RAB2A: variants seen among roughly 807,000 people sequenced by gnomAD.
RAB2A encodes the protein ras-related protein Rab-2A.
Under a neutral mutation model 32.5 loss-of-function variants are expected in RAB2A, and 7 were observed. The observed-to-expected ratio is 0.22, with a 90% CI of 0.12 to 0.40. The LOEUF (loss-of-function observed/expected upper bound fraction) is 0.40, where lower values mean the gene tolerates loss of function less well. RAB2A is among the 10% of genes least tolerant of loss of function. The pLI is 1.00. For synonymous variants in RAB2A, 79 were observed against 85.2 expected (o/e 0.93, Z 0.40); for missense variants, 108 against 260.7 (o/e 0.41, Z 4.03).
At chr8:60,530,493 T>G (rs1384728001) in intron 1 of RAB2A, among the ~76,000 whole-genome samples, 4 of 152,136 alleles carry the variant, frequency 2.6e-5, no homozygotes, top group Non-Finnish European at 5.9e-5. Context: ...TCTTGCCATG[T>G]TTCCCAGGCT....
intron 1 of RAB2A, among the ~76,000 whole-genome samples, chr8:60,518,625 C>CAAAAT (rs1807252034): frequency 7.1e-5 from 7 of 99,178 alleles, no homozygotes; most frequent in African/African-American, 2.8e-4. Flanking sequence ...AAAAAAAAAG[C>CAAAAT]ATATTTATTG....
chr8:60,556,421 C>T (rs1372463171), intron 1 of RAB2A, among the ~76,000 whole-genome samples: 1 of 151,942 alleles, frequency 6.6e-6, no homozygotes, highest in Non-Finnish European at 1.5e-5. Flanking sequence ...GCTGATTACC[C>T]TGATTGATTT....
intron 1 of RAB2A, among the ~76,000 whole-genome samples, chr8:60,519,484 C>T (rs1333574510): frequency 6.6e-6 from 1 of 152,140 alleles, no homozygotes; most frequent in Non-Finnish European, 1.5e-5. Context: ...CTGAGTTTTC[C>T]GTAATGCCTT....
intron 1 of RAB2A, among the ~76,000 whole-genome samples, chr8:60,547,611 G>T (rs2130821923): frequency 8.0e-6 from 1 of 125,030 alleles, no homozygotes; most frequent in Non-Finnish European, 1.8e-5. Flanking sequence ...CCGGGCAGAG[G>T]CGCCCCTCAC....
chr8:60,559,723 A>G (rs904019672), intron 2 of RAB2A, among the ~76,000 whole-genome samples: 1 of 152,248 alleles, frequency 6.6e-6, no homozygotes, highest in Admixed American at 6.5e-5. Context: ...AAATTAGTCA[A>G]ATATGAAGAC....
At chr8:60,576,333 C>T (rs1299510894) in intron 3 of RAB2A, 1 of 454,674 alleles carries the variant, frequency 2.2e-6, no homozygotes, top group Non-Finnish European at 4.4e-6. Context: ...CCAGCCATTA[C>T]TGCCTTGTTC....
chr8:60,602,792 G>T (rs1251466901), intron 6 of RAB2A, among the ~76,000 whole-genome samples: 2 of 152,248 alleles, frequency 1.3e-5, no homozygotes, highest in Non-Finnish European at 2.9e-5. Flanking sequence ...TTATGGGGAA[G>T]TTTGTTCTAA....
At chr8:60,552,878 TA>T (rs1325727994) in intron 1 of RAB2A, 1 of 152,214 alleles carries the variant, frequency 6.6e-6, no homozygotes, top group Non-Finnish European at 1.5e-5. Flanking sequence ...GCTTGCTTTG[TA>T]CCTGCTGTGT....
At position 60,516,987 on chromosome 8, in the gene RAB2A, ATTG is replaced by A. The variant is rs1343072533; in HGVS notation, c.-218_-216del. The A allele has an allele frequency of 4.7e-6, 2 of 425,936 alleles. No individual in the cohort carries two copies. Among genetic ancestry groups the A allele is most frequent in the Non-Finnish European group, 4.2e-6 (1 of 238,358 alleles). The allele number at this position is 425,936 out of a possible 1,614,324, so 26.4% of individuals were successfully genotyped here. ...GGGCGGAGGCGCCGCGGCGGCTGTT[ATTG>A]TTCGGCTGGGCTCGGTCGGGCGCTG... is the stretch of plus-strand genomic sequence containing the variant. On this transcript the variant is annotated 5_prime_UTR_variant, in exon 1 of 8. Coordinates refer to ENST00000262646, the MANE Select transcript of RAB2A (RefSeq NM_002865.3).
chr8:60,558,513 C>T, intron 1 of RAB2A: 1 of 496,232 alleles, frequency 2.0e-6, no homozygotes, highest in South Asian at 1.5e-5. Flanking sequence ...AATATTTTCA[C>T]TGTAACACAA....
Position 60,591,983 on chromosome 8 carries a change from C to T in RAB2A, c.474+14C>T. The T allele has an allele frequency of 6.9e-7, 1 of 1,451,714 alleles. No individual in the cohort carries two copies. The highest frequency in any genetic ancestry group is 9.5e-7 in the Non-Finnish European group (1 of 1,051,764). 89.9% of individuals were successfully genotyped at this position (1,451,714 alleles called of 1,614,324 possible). On this transcript the variant is annotated intron_variant, in intron 6 of 7. Transcript: ENST00000262646. ...AATGTAGAAGAGGTAAATAAGAGGCCCTTTAAAATCTTCATCTTTATACTT... is the reference window on the plus strand; with the variant it reads ...AATGTAGAAGAGGTAAATAAGAGGCTCTTTAAAATCTTCATCTTTATACTT...
In RAB2A at chr8:60,517,062, C is replaced by G; in HGVS notation, c.-146C>G. On this transcript the variant is annotated 5_prime_UTR_variant, in exon 1 of 8. Transcript: ENST00000262646. ...TCAGTTCGTCCGGCTTCCTCACAGC[C>G]CCTCACTCCCGGCGGCTGACAGCAG... The G allele has an allele frequency of 1.4e-6, 1 of 739,782 alleles. No homozygotes were observed. The highest frequency in any genetic ancestry group is 2.0e-6 in the Non-Finnish European group (1 of 490,310). 45.8% of individuals were successfully genotyped at this position (739,782 alleles called of 1,614,324 possible). A position where few individuals can be genotyped will look rare whatever the true frequency, so the allele number is the denominator to read the frequency against.
At chr8:60,584,158 T>C (rs909687107) in intron 3 of RAB2A, 50 bp from the exon 4 acceptor site, 1 of 1,367,696 alleles carries the variant, frequency 7.3e-7, no homozygotes, top group Admixed American at 1.7e-5. Flanking sequence ...TATGAAAATG[T>C]AGAGGACATT....
intron 1 of RAB2A, among the ~76,000 whole-genome samples, chr8:60,543,302 A>G (rs7839474): frequency 0.53 from 79,548 of 150,216 alleles, 23,834 homozygotes; most frequent in African/African-American, 0.83. Flanking sequence ...ATCCTGCCTT[A>G]CCTCTTCCAG....
chr8:60,575,037 T>TGTTTCTTGAGTCTTTGTCTTA (rs1808250034), intron 3 of RAB2A, among the ~76,000 whole-genome samples: 1 of 151,836 alleles, frequency 6.6e-6, no homozygotes, highest in Non-Finnish European at 1.5e-5. Flanking sequence ...TTTTGGAGGT[T>TGTTTCTTGAGTCTTTGTCTTA]GTTTCTTGAG....
intron 2 of RAB2A, among the ~76,000 whole-genome samples, chr8:60,567,119 CT>C (rs759099870): frequency 2.0e-3 from 278 of 139,236 alleles, no homozygotes; most frequent in Non-Finnish European, 1.9e-3. Context: ...TTCTTTTTTT[CT>C]TTTTTTTTTT....
chr8:60,594,564 T>C (rs1277326809), intron 6 of RAB2A, among the ~76,000 whole-genome samples: 1 of 152,156 alleles, frequency 6.6e-6, no homozygotes, highest in African/African-American at 2.4e-5. Flanking sequence ...ATATGTGCCA[T>C]GTTGGTTTGC....
chr8:60,534,915 C>CT lies in RAB2A; in HGVS notation c.46+17673dup, dbSNP rs1005108146. ...TAATAAGCCTCATTCACCATTTAAC[C>CT]TTTTTTTTTTTCTTGCTTGGCCTTT... On this transcript the variant is annotated intron_variant, in intron 1 of 7. Transcript: ENST00000262646. Among the ~76,000 whole-genome samples the CT allele has an allele frequency of 2.1e-3, 318 of 149,906 alleles. 1 individual carries two copies. Among genetic ancestry groups the CT allele is most frequent in the African/African-American group, 7.0e-3 (285 of 40,964 alleles).
At chr8:60,549,387 C>G (rs1306807237) in intron 1 of RAB2A, among the ~76,000 whole-genome samples, 4 of 152,190 alleles carry the variant, frequency 2.6e-5, no homozygotes, top group Non-Finnish European at 5.9e-5. Flanking sequence ...TCTGCAATCC[C>G]AGCACCTCGG....
Sources: gnomAD v4.1 joint callset for allele counts (sites outside exome capture counted in the v4.1 genomes callset) on GRCh38, gnomAD v4.1.1 for gene constraint, MANE v1.5 for transcripts, NCBI Gene and HGNC (gene_info 2026-07-23, HGNC 2026-07-21) for gene names.